The following PHF20L1 variants were observed in gnomAD, a reference collection of about 807,000 sequenced individuals.
PHF20L1 encodes the protein PHD finger protein 20 like 1, also known as PHD finger protein 20-like protein 1.
A neutral mutation model predicts 125.5 loss-of-function variants in PHF20L1; 44 were observed. The observed-to-expected ratio is 0.35, with a 90% CI of 0.28 to 0.45. PHF20L1 has a LOEUF of 0.45. PHF20L1 is among the 20% of genes least tolerant of loss of function. The pLI is 1.00. For missense variants in PHF20L1, 1,012 were observed against 1,217.2 expected, an observed-to-expected ratio of 0.83 and a Z score of 2.51; for synonymous variants, 380 against 403.1, an observed-to-expected ratio of 0.94 and a Z score of 0.69.
Position 132,817,443 on chromosome 8 carries a change from T to C in PHF20L1, c.1477T>C (p.Tyr493His). ...AGCACCGGTAGCCTCAGATTCCTCT[T>C]ACCGTAATGAATGTCCCAGGGCAGA... ...VTAPVASDSS[Y>H]RNECPRAEKE... Residue 493 changes from tyrosine (Y) to histidine (H), a missense_variant, in exon 12 of 21, where the codon TAC becomes CAC. Tyr to His is a moderately conservative substitution (Grantham distance 83, BLOSUM62 2). Coordinates refer to ENST00000395386, the MANE Select transcript of PHF20L1 (RefSeq NM_016018.5). 1.9e-6 allele frequency: 3 copies of C among 1,612,714 alleles called. No individual in the cohort carries two copies. The highest frequency in any genetic ancestry group is 1.3e-5 in the African/African-American group (1 of 74,926).
chr8:132,799,872 G>A (rs1586910602), intron 6 of PHF20L1: 3 of 151,792 alleles, frequency 2.0e-5, no homozygotes, highest in Non-Finnish European at 2.9e-5. Context: ...ATATGTAAAT[G>A]CAATTTAAAA....
At chr8:132,824,394 A>G (rs575708576) in intron 13 of PHF20L1, 1 of 183,992 alleles carries the variant, frequency 5.4e-6, no homozygotes, top group East Asian at 1.4e-4. Context: ...TTAAAATAGT[A>G]ATTTTTTCAC....
chr8:132,840,966 C>T (rs969499190), intron 18 of PHF20L1, among the ~76,000 whole-genome samples: 2 of 152,000 alleles, frequency 1.3e-5, no homozygotes, highest in Non-Finnish European at 2.9e-5. Context: ...AGTTTTTTAT[C>T]ATAAGCCTGA....
rs371605549 is a variant in PHF20L1, at chr8:132,839,410, C to T, written c.2215C>T (p.Arg739Cys). 3.7e-6 allele frequency: 6 copies of T among 1,612,456 alleles called. No individual in the cohort carries two copies. The highest frequency in any genetic ancestry group is 1.1e-5 in the South Asian group (1 of 91,022). Reference sequence around the variant, plus strand: ...AGGTCAGAGGTGGAGTGCAAAATATCGTTATGATAAGGAGTGGTTGAATAA... The same window carrying T: ...AGGTCAGAGGTGGAGTGCAAAATATTGTTATGATAAGGAGTGGTTGAATAA... ...PPGQRWSAKYRYDKEWLNNGR... is the reference protein window; with the variant it reads ...PPGQRWSAKYCYDKEWLNNGR... Residue 739 changes from arginine (R) to cysteine (C), a missense_variant, in exon 18 of 21, where the codon CGT (arginine) becomes TGT (cysteine). Around this residue, in one of 7 missense-constraint regions of PHF20L1, gnomAD observed 55 missense variants for 114.8 expected, o/e 0.48. Transcript: ENST00000395386.
chr8:132,824,211 T>C (rs982959376), intron 13 of PHF20L1, 151 bp downstream of exon 13: 1 of 472,798 alleles, frequency 2.1e-6, no homozygotes, highest in Admixed American at 4.2e-5. Context: ...CAGCTCCAGA[T>C]ACATGATTTA....
chr8:132,794,960 G>T, intron 4 of PHF20L1, 143 bp downstream of exon 4: 1 of 605,206 alleles, frequency 1.7e-6, no homozygotes, highest in East Asian at 2.9e-5. Flanking sequence ...GGGAGCATTT[G>T]ATTTGTTATG....
chr8:132,827,402 A>G (rs756815569), intron 14 of PHF20L1, among the ~76,000 whole-genome samples: 4 of 152,046 alleles, frequency 2.6e-5, no homozygotes, highest in Admixed American at 6.6e-5. Context: ...AGGTGTTCCA[A>G]TGGAGACCTG....
chr8:132,797,456 A>C (rs1832534481), intron 4 of PHF20L1, among the ~76,000 whole-genome samples: 1 of 152,042 alleles, frequency 6.6e-6, no homozygotes, highest in Admixed American at 6.6e-5. Context: ...GAAAGGCATC[A>C]CAACAGAGGA....
chr8:132,832,059 C>G (rs902430592), intron 14 of PHF20L1, among the ~76,000 whole-genome samples, 176 bp from the exon 15 acceptor site: 3 of 151,984 alleles, frequency 2.0e-5, no homozygotes, highest in African/African-American at 2.4e-5. Flanking sequence ...TATTTGTTTC[C>G]CAAGTGTTCT....
chr8:132,794,958 T>C (rs1383598050), intron 4 of PHF20L1, 141 bp downstream of exon 4: 8 of 613,130 alleles, frequency 1.3e-5, no homozygotes, highest in Non-Finnish European at 1.7e-5. Flanking sequence ...TCGGGAGCAT[T>C]TGATTTGTTA....
chr8:132,786,174 C>G (rs1270262340), intron 2 of PHF20L1, among the ~76,000 whole-genome samples: 1 of 152,000 alleles, frequency 6.6e-6, no homozygotes, highest in East Asian at 1.9e-4. Context: ...CATATCATAT[C>G]CAAGATTTCC....
chr8:132,845,496 T>C (rs1838345451), intron 20 of PHF20L1, among the ~76,000 whole-genome samples: 1 of 152,048 alleles, frequency 6.6e-6, no homozygotes, highest in Non-Finnish European at 1.5e-5. Context: ...TTTATGTGTG[T>C]GTGTATATGT....
chr8:132,802,836 A>G lies in PHF20L1; in HGVS notation c.508-983A>G, dbSNP rs965709704. ...TTAATGTAAACCGTGAATTAAATTC[A>G]TTTGATGTTGTGAAATTTTTAGTTG... On this transcript the variant is annotated intron_variant, in intron 6 of 20. Coordinates refer to ENST00000395386, the MANE Select transcript of PHF20L1 (RefSeq NM_016018.5). Among the ~76,000 whole-genome samples, 3 of 151,872 alleles carry G rather than the reference A, an allele frequency of 2.0e-5. No homozygotes were observed. The East Asian group carries it at 5.8e-4, about 29-fold the overall frequency.
chr8:132,837,904 C>T, intron 17 of PHF20L1, 93 bp downstream of exon 17: 1 of 793,642 alleles, frequency 1.3e-6, no homozygotes, highest in African/African-American at 1.7e-5. Context: ...ACCACTACAG[C>T]AAGTTCTCAC....
intron 14 of PHF20L1, among the ~76,000 whole-genome samples, chr8:132,828,358 G>C (rs77282886): frequency 0.02 from 3,007 of 152,020 alleles, 98 homozygotes; most frequent in African/African-American, 0.068. Context: ...GAGCTCTCCA[G>C]CTCTCATAGC....
Position 132,775,419 on chromosome 8 carries a change from G to A in PHF20L1, c.-264G>A. The A allele has an allele frequency of 2.6e-6, 1 of 384,874 alleles. No individual in the cohort carries two copies. The allele number at this position is 384,874 out of a possible 1,614,324, so 23.8% of individuals were successfully genotyped here. ...GGCCGGCGGCGGAGGCGGCGGCGGC[G>A]GCGGCGATGGCAGCGGACCCTGAGC... is the stretch of plus-strand genomic sequence containing the variant. On this transcript the variant is annotated 5_prime_UTR_variant, in exon 1 of 21. Coordinates refer to ENST00000395386, the MANE Select transcript of PHF20L1 (RefSeq NM_016018.5).
intron 8 of PHF20L1, chr8:132,809,269 C>A (rs559292373): frequency 6.6e-6 from 1 of 152,156 alleles, no homozygotes; most frequent in Non-Finnish European, 1.5e-5. Flanking sequence ...CAGGTTCAAG[C>A]GATTCTCGTG....
intron 14 of PHF20L1, 85 bp from the exon 15 acceptor site, chr8:132,832,150 C>T: frequency 2.3e-6 from 2 of 856,460 alleles, no homozygotes; most frequent in Non-Finnish European, 3.8e-6. Context: ...TTTGGTGTAT[C>T]CTGAAACATG....
At chr8:132,828,285 C>G (rs776682036) in intron 14 of PHF20L1, among the ~76,000 whole-genome samples, 1 of 151,830 alleles carries the variant, frequency 6.6e-6, no homozygotes, top group Middle Eastern at 3.2e-3. Flanking sequence ...TCATATTAAC[C>G]CTTTACAATA....
Sources: allele counts gnomAD v4.1 joint callset (sites outside exome capture counted in the v4.1 genomes callset), GRCh38; gene constraint gnomAD v4.1.1; regional missense constraint gnomAD v4.1.1; transcripts MANE v1.5; gene names NCBI Gene and HGNC (gene_info 2026-07-23, HGNC 2026-07-21).